SLC16A4: variants seen among roughly 807,000 people sequenced by gnomAD.
SLC16A4 encodes the protein solute carrier family 16 member 4.
Under a neutral mutation model 47.9 loss-of-function variants are expected in SLC16A4, and 39 were observed. That is an observed-to-expected ratio of 0.81 (90% CI 0.63 to 1.06). The LOEUF is 1.06. Among genes scored for constraint, SLC16A4 ranks in the 50% least tolerant of loss-of-function variants. The pLI is 0.00. For missense variants in SLC16A4, 524 were observed against 573.8 expected (o/e 0.91, Z 0.89); for synonymous variants, 189 against 199.9 (o/e 0.95, Z 0.46).
At chr1:110,388,660 C>T (rs1235183630) in intron 2 of SLC16A4, among the ~76,000 whole-genome samples, 1 of 152,136 alleles carries the variant, frequency 6.6e-6, no homozygotes, top group African/African-American at 2.4e-5. Flanking sequence ...TGTGACTGAG[C>T]ATTCTCAGGT....
intron 8 of SLC16A4, among the ~76,000 whole-genome samples, chr1:110,367,009 T>C (rs1038672967): frequency 1.3e-5 from 2 of 152,250 alleles, no homozygotes; most frequent in Admixed American, 6.5e-5. Flanking sequence ...GGATGCTGTT[T>C]ATACTAGCAA....
At chr1:110,379,411 T>C (rs1453925418) in intron 5 of SLC16A4, 55 bp from the exon 6 acceptor site, 1 of 1,505,294 alleles carries the variant, frequency 6.6e-7, no homozygotes, top group Non-Finnish European at 9.0e-7. Flanking sequence ...ACAATACTGC[T>C]TTGTGTTCAT....
At chr1:110,379,718 A>G (rs1031152436) in intron 5 of SLC16A4, 3 of 171,992 alleles carry the variant, frequency 1.7e-5, no homozygotes, top group African/African-American at 7.2e-5. Context: ...AGGTACAGAA[A>G]AAATAGAATA....
At chr1:110,377,243 T>C (rs1349644309) in intron 6 of SLC16A4, 82 bp from the exon 7 acceptor site, 15 of 1,167,658 alleles carry the variant, frequency 1.3e-5, no homozygotes, top group Middle Eastern at 2.1e-4. Context: ...CCAAGTAATA[T>C]GATCTCATCC....
At chr1:110,372,359 TG>T (rs1557903665) in intron 8 of SLC16A4, 1 of 152,184 alleles carries the variant, frequency 6.6e-6, no homozygotes, top group Non-Finnish European at 1.5e-5. Context: ...AAGTAAAAAA[TG>T]AGAATCTCAT....
intron 8 of SLC16A4, among the ~76,000 whole-genome samples, chr1:110,366,086 C>G (rs1253666977): frequency 6.6e-6 from 1 of 150,932 alleles, no homozygotes; most frequent in African/African-American, 2.4e-5. Flanking sequence ...ATCATGCCGA[C>G]CAAGCCTTTC....
At chr1:110,380,063 A>AAAAAAAAAAAAAAAAAAAG (rs1662282156) in intron 5 of SLC16A4, among the ~76,000 whole-genome samples, 1 of 150,380 alleles carries the variant, frequency 6.6e-6, no homozygotes, top group African/African-American at 2.5e-5. Context: ...TGTCTCAAAA[A>AAAAAAAAAAAAAAAAAAAG]AAAAAAAAAA....
Position 110,376,945 on chromosome 1 carries a change from C to T in SLC16A4, c.1242+5G>A. On this transcript the variant is annotated splice_donor_5th_base_variant and intron_variant, in intron 7 of 8. Transcript: ENST00000369779. ...TTAACAATGTTAATGAGTGTGTCTA[C>T]TCACCAGTACAGGCAGTATCAATGC... 6.2e-7 allele frequency: 1 copy of T among 1,611,578 alleles called. No individual in the cohort carries two copies. Among genetic ancestry groups the T allele is most frequent in the Non-Finnish European group, 8.5e-7 (1 of 1,178,114 alleles).
At position 110,378,852 on chromosome 1, in the gene SLC16A4, C is replaced by G. The variant is rs1662175465; in HGVS notation, c.1030+1G>C. 1 of 1,599,634 alleles carries G rather than the reference C, an allele frequency of 6.3e-7. No homozygotes were observed. Among genetic ancestry groups the G allele is most frequent in the Non-Finnish European group, 8.5e-7 (1 of 1,172,536 alleles). ...TAGGAGGCTGATGTAGGCTTTCTTA[C>G]CTGCTACAGAAACAAGGTAAGAGGC... On this transcript the variant is annotated splice_donor_variant, in intron 6 of 8. Transcript: ENST00000369779. LOFTEE classifies it high-confidence loss of function.
chr1:110,369,604 C>A (rs1661584937), intron 8 of SLC16A4, among the ~76,000 whole-genome samples: 1 of 152,066 alleles, frequency 6.6e-6, no homozygotes, highest in Admixed American at 6.6e-5. Context: ...AAAAAACAAA[C>A]AAAAAACTTA....
chr1:110,373,914 C>G (rs1661825129), intron 8 of SLC16A4, among the ~76,000 whole-genome samples: 1 of 149,206 alleles, frequency 6.7e-6, no homozygotes, highest in Admixed American at 6.7e-5. Flanking sequence ...TGGACTCACA[C>G]AATCCTCCCA....
At chr1:110,365,483 CTT>C (rs1193931425) in intron 8 of SLC16A4, among the ~76,000 whole-genome samples, 1 of 152,130 alleles carries the variant, frequency 6.6e-6, no homozygotes, top group Non-Finnish European at 1.5e-5. Context: ...GTTCAACTAA[CTT>C]TAAGTTGCTT....
intron 6 of SLC16A4, 116 bp downstream of exon 6, chr1:110,378,737 T>C (rs1203696345): frequency 1.5e-6 from 2 of 1,353,448 alleles, no homozygotes; most frequent in African/African-American, 1.5e-5. Flanking sequence ...TTACTTTCTC[T>C]GGCCCTTCTA....
rs1240613730 is a variant in SLC16A4 at position 110,363,841 on chromosome 1, G to A, written c.1389C>T (p.Gly463=). Residue 463 remains glycine, a synonymous_variant, in exon 9 of 9, where the codon GGC becomes GGT. Transcript: ENST00000369779. ...AAACTGAAGAGAGGAGATAGCATAT[G>A]CCAGAGAAGTAGAAAGAGCCATTGT... is the stretch of plus-strand genomic sequence containing the variant. ...QTYNGSFYFS[G]ICYLLSSVSF... is the part of the protein sequence containing the mutation. 3 of 1,613,064 alleles carry A rather than the reference G, an allele frequency of 1.9e-6. No homozygotes were observed.
intron 5 of SLC16A4, 92 bp downstream of exon 5, chr1:110,380,890 G>T: frequency 9.0e-7 from 1 of 1,105,696 alleles, no homozygotes; most frequent in Non-Finnish European, 1.4e-6. Context: ...GAAATCGATT[G>T]CTCTGAAAGT....
At chr1:110,366,537 T>C (rs1661408724) in intron 8 of SLC16A4, among the ~76,000 whole-genome samples, 1 of 152,232 alleles carries the variant, frequency 6.6e-6, no homozygotes, top group South Asian at 2.1e-4. Context: ...GCATTTTTAC[T>C]GTATCTATGT....
At chr1:110,389,157 T>C in intron 2 of SLC16A4, 80 bp downstream of exon 2, 1 of 1,165,748 alleles carries the variant, frequency 8.6e-7, no homozygotes, top group Non-Finnish European at 1.3e-6. Context: ...TAAGTGATCC[T>C]ATTCGTAGGC....
At chr1:110,382,724 A>G (rs1662476724) in intron 3 of SLC16A4, 110 bp downstream of exon 3, 5 of 1,149,086 alleles carry the variant, frequency 4.4e-6, no homozygotes, top group South Asian at 2.4e-5. Flanking sequence ...ATATCAGTAA[A>G]TGAACCTTAA....
intron 2 of SLC16A4, among the ~76,000 whole-genome samples, chr1:110,388,973 G>C (rs1453781180): frequency 6.6e-6 from 1 of 152,232 alleles, no homozygotes; most frequent in Non-Finnish European, 1.5e-5. Context: ...GCCTCCCAAA[G>C]TGCTGGGATT....
Sources: gnomAD v4.1 joint callset for allele counts (sites outside exome capture counted in the v4.1 genomes callset) on GRCh38, gnomAD v4.1.1 for gene constraint, MANE v1.5 for transcripts, NCBI Gene and HGNC (gene_info 2026-07-23, HGNC 2026-07-21) for gene names.